The following CD276 variants were observed in gnomAD, a reference collection of about 807,000 sequenced individuals.
CD276 encodes CD276 molecule, also known as CD276 antigen.
In CD276, 34 loss-of-function variants were observed where a neutral mutation model predicts 50.0. The observed-to-expected ratio is 0.68, with a 90% confidence interval of 0.52 to 0.91. The LOEUF (loss-of-function observed/expected upper bound fraction) is 0.91. CD276 is among the 40% of genes least tolerant of loss of function. CD276 has a pLI of 0.00. For synonymous variants in CD276, 275 were observed against 313.0 expected (o/e 0.88, Z 1.28); for missense variants, 634 against 717.5 (o/e 0.88, Z 1.33).
rs144903888 is a variant in CD276 at position 73,703,840 on chromosome 15, C to T, written c.915C>T (p.Ser305=). ...TCACCGAAGGCCGGGACCAGGGCAG[C>T]GCCTATGCCAACCGCACGGCCCTCT... The part of the protein sequence containing the change: ...HSFTEGRDQG[S]AYANRTALFP... Residue 305 remains serine (S), a synonymous_variant, in exon 5 of 10, where the codon AGC becomes AGT. Coordinates refer to ENST00000318443, the MANE Select transcript of CD276 (RefSeq NM_001024736.2). 1.5e-4 allele frequency: 250 copies of T among 1,613,486 alleles called. No individual in the cohort carries two copies. In the African/African-American group the frequency reaches 2.4e-3, roughly 15 times the overall value.
Position 73,711,461 on chromosome 15 carries a change from T to C in CD276, c.1582+291T>C, listed in dbSNP as rs141086322. 8 of 386,556 alleles carry C rather than the reference T, an allele frequency of 2.1e-5. No individual in the cohort carries two copies. In the East Asian group the frequency reaches 4.1e-4, roughly 20 times the overall value. 23.9% of individuals were successfully genotyped at this position (386,556 alleles called of 1,614,324 possible). On this transcript the variant is annotated intron_variant, in intron 9 of 9. Coordinates refer to ENST00000318443, the MANE Select transcript of CD276 (RefSeq NM_001024736.2). ...AAACCACTGATGACCTGGAGCCAGG[T>C]TCCACTTACCTGGATTCTGCCCTCT...
chr15:73,711,731 G>T, intron 9 of CD276: 1 of 155,614 alleles, frequency 6.4e-6, no homozygotes. Flanking sequence ...GTTAGTAAAT[G>T]TCCATAGTCA....
Position 73,704,793 on chromosome 15 carries a change from G to A in CD276, c.1369+321G>A, listed in dbSNP as rs1900582263. On this transcript the variant is annotated intron_variant, in intron 6 of 9. Coordinates refer to ENST00000318443, the MANE Select transcript of CD276 (RefSeq NM_001024736.2). This position sits in a 1 kb window ranked among gnomAD's most constrained non-coding sequence, Gnocchi z 4.1. ...GTGTGGCCCAGGGGACTTGGTGTGG[G>A]TGTGCTTTCCAGCAGGAACTCCTCT... is the stretch of plus-strand genomic sequence containing the variant. Among the ~76,000 whole-genome samples the A allele has an allele frequency of 6.6e-6, 1 of 152,192 alleles. No homozygotes were observed. Among genetic ancestry groups the A allele is most frequent in the Non-Finnish European group, 1.5e-5 (1 of 68,038 alleles).
At position 73,713,785 on chromosome 15, in the gene CD276, C is replaced by A. The variant is rs946493109; in HGVS notation, c.*829C>A. The A allele has an allele frequency of 1.4e-5, 6 of 435,892 alleles. No individual in the cohort carries two copies. The highest frequency in any genetic ancestry group is 2.3e-5 in the Non-Finnish European group (5 of 219,878). 27.0% of individuals were successfully genotyped at this position (435,892 alleles called of 1,614,324 possible). ...CTGTGATGGGGCCCCTGGGGGTCAG[C>A]TTCTGTCCCTCTGCCTTCTCACCTC... On this transcript the variant is annotated 3_prime_UTR_variant, in exon 10 of 10. Coordinates refer to ENST00000318443, the MANE Select transcript of CD276 (RefSeq NM_001024736.2).
chr15:73,699,791 T>C, intron 2 of CD276, 73 bp downstream of exon 2: 2 of 1,490,122 alleles, frequency 1.3e-6, no homozygotes, highest in Non-Finnish European at 1.8e-6. Flanking sequence ...TGCCCACGCC[T>C]GTTAGGGGTC....
upstream of CD276, chr15:73,684,185 T>G (rs1163853885): frequency 4.3e-4 from 4 of 9,258 alleles, no homozygotes; most frequent in African/African-American, 9.2e-4. Flanking sequence ...GGGTCAGGCC[T>G]GGGGGCGGGG....
chr15:73,700,580 C>T (rs1488661378), intron 2 of CD276, among the ~76,000 whole-genome samples: 1 of 152,194 alleles, frequency 6.6e-6, no homozygotes, highest in Non-Finnish European at 1.5e-5. Flanking sequence ...ACTGACAGGG[C>T]ATGAGAACTG....
chr15:73,693,183 C>T (rs1357455913), intron 1 of CD276, among the ~76,000 whole-genome samples: 2 of 152,132 alleles, frequency 1.3e-5, no homozygotes, highest in East Asian at 3.9e-4. Context: ...CCCTGAGGAC[C>T]TTGATGACAC....
intron 1 of CD276, among the ~76,000 whole-genome samples, chr15:73,698,996 T>C (rs1468086019): frequency 2.0e-5 from 3 of 152,226 alleles, no homozygotes; most frequent in East Asian, 1.9e-4. Flanking sequence ...CCATTACTCA[T>C]AGAAAAACCC....
At position 73,704,248 on chromosome 15, in the gene CD276, C is replaced by G; in HGVS notation, c.1145C>G (p.Thr382Arg). Residue 382 changes from threonine to arginine, a missense_variant, in exon 6 of 10, where the codon ACG becomes AGG. Physicochemically the swap from Thr to Arg is moderately conservative, Grantham distance 71. Transcript: ENST00000318443. This position sits in a 1 kb window ranked among gnomAD's most constrained non-coding sequence, Gnocchi z 4.1. The stretch of plus-strand genomic sequence containing the variant: ...CGGCCAGGGGACACGGTGACCATCA[C>G]GTGCTCCAGCTACCGGGGCTACCCT... ...DLRPGDTVTITCSSYRGYPEA... is the reference protein window; with the variant it reads ...DLRPGDTVTIRCSSYRGYPEA... 6.2e-7 allele frequency: 1 copy of G among 1,614,214 alleles called. No individual in the cohort carries two copies. The highest frequency in any genetic ancestry group is 8.5e-7 in the Non-Finnish European group (1 of 1,180,048).
At chr15:73,703,222 G>C in intron 4 of CD276, 136 bp downstream of exon 4, 1 of 1,079,824 alleles carries the variant, frequency 9.3e-7, no homozygotes, top group Non-Finnish European at 1.3e-6. Context: ...GAAAGATAAC[G>C]GGGAGGTGGG....
intron 6 of CD276, among the ~76,000 whole-genome samples, chr15:73,705,809 C>A (rs551304121): frequency 6.6e-6 from 1 of 152,190 alleles, no homozygotes; most frequent in South Asian, 2.1e-4. Context: ...TCTTTGTGGT[C>A]ATTTGCACCC....
chr15:73,703,679 C>T lies in CD276; in HGVS notation c.754C>T (p.Pro252Ser). ...CCCAGGAGCCGTGGAGGTCCAGGTC[C>T]CTGAGGACCCGGTGGTGGCCCTAGT... ...SPTGAVEVQV[P>S]EDPVVALVGT... The change falls in exon 5 of 10, where the codon CCT becomes TCT. Residue 252 changes from proline (P) to serine (S), a missense_variant. Coordinates refer to ENST00000318443, the MANE Select transcript of CD276 (RefSeq NM_001024736.2). 1.2e-6 allele frequency: 2 copies of T among 1,612,052 alleles called. No individual in the cohort carries two copies. Among genetic ancestry groups the T allele is most frequent in the East Asian group, 4.5e-5 (2 of 44,834 alleles).
intron 1 of CD276, among the ~76,000 whole-genome samples, chr15:73,694,557 T>A (rs1490777107): frequency 1.3e-5 from 2 of 152,242 alleles, no homozygotes; most frequent in African/African-American, 2.4e-5. Context: ...CATCTGGGTA[T>A]ATCCAGGGCT....
chr15:73,696,705 T>G (rs1900193289), intron 1 of CD276, among the ~76,000 whole-genome samples: 1 of 152,110 alleles, frequency 6.6e-6, no homozygotes, highest in South Asian at 2.1e-4. Context: ...GGAATTAGCC[T>G]GATATATGAA....
chr15:73,704,836 T>G lies in CD276; in HGVS notation c.1369+364T>G, dbSNP rs1463184233. On this transcript the variant is annotated intron_variant, in intron 6 of 9. Transcript: ENST00000318443. The surrounding 1 kb of genome is among the most constrained non-coding windows in gnomAD (Gnocchi z 4.1). ...ACTCCTCTGAGTGGTAGGAAGGTAT[T>G]CTGGGTCAGTGGGCGCCATCTGATT... 6.6e-6 allele frequency among the ~76,000 whole-genome samples: 1 copy of G among 152,160 alleles called. No individual in the cohort carries two copies. Among genetic ancestry groups the G allele is most frequent in the Non-Finnish European group, 1.5e-5 (1 of 68,032 alleles).
intron 2 of CD276, among the ~76,000 whole-genome samples, chr15:73,701,742 A>C (rs1900397213): frequency 6.6e-6 from 1 of 151,666 alleles, no homozygotes; most frequent in Non-Finnish European, 1.5e-5. Context: ...AAAAAAAAAG[A>C]AAAAAAGAAA....
chr15:73,685,691 C>T (rs189179045), intron 1 of CD276, among the ~76,000 whole-genome samples: 1 of 152,040 alleles, frequency 6.6e-6, no homozygotes, highest in Non-Finnish European at 1.5e-5. Flanking sequence ...TTATTTAGTG[C>T]GGCCTCCTCT....
intron 8 of CD276, 135 bp from the exon 9 acceptor site, chr15:73,711,000 C>T (rs1900876578): frequency 2.4e-6 from 2 of 828,612 alleles, no homozygotes; most frequent in Non-Finnish European, 4.0e-6. Flanking sequence ...GGCCCCTTCC[C>T]TTGTGCTATG....
Sources: gnomAD v4.1 joint callset for allele counts (sites outside exome capture counted in the v4.1 genomes callset) on GRCh38, gnomAD v4.1.1 for gene constraint, Gnocchi (gnomAD v3.1) non-coding constraint, MANE v1.5 for transcripts, NCBI Gene and HGNC (gene_info 2026-07-23, HGNC 2026-07-21) for gene names.